The following NTM variants were observed in gnomAD, a reference collection of about 807,000 sequenced individuals.
NTM encodes IgLON family member 2.
NTM carries 13 observed loss-of-function variants against 42.1 expected under a neutral mutation model. The observed-to-expected ratio is 0.31, with a 90% CI of 0.20 to 0.49. The LOEUF (loss-of-function observed/expected upper bound fraction) is 0.49. Ranked by LOEUF, NTM falls within the 20% of genes least tolerant of loss-of-function variation. The pLI, the probability that NTM is intolerant of heterozygous loss-of-function variation, is 0.99. For synonymous variants in NTM, 187 were observed against 179.2 expected (o/e 1.04, Z -0.35); for missense variants, 373 against 452.8 (o/e 0.82, Z 1.60).
chr11:131,484,289 C>G (rs1410625256), intron 1 of NTM, among the ~76,000 whole-genome samples: 1 of 152,030 alleles, frequency 6.6e-6, no homozygotes, highest in East Asian at 1.9e-4. Flanking sequence ...GAGAGACAGA[C>G]TAAAGAAAGG....
intron 1 of NTM, among the ~76,000 whole-genome samples, chr11:131,729,354 A>C (rs2135467759): frequency 6.6e-6 from 1 of 152,336 alleles, no homozygotes; most frequent in South Asian, 2.1e-4. Context: ...TGGACTGCTA[A>C]TGAAGATGGG....
intron 2 of NTM, among the ~76,000 whole-genome samples, chr11:132,134,746 T>G (rs2137131878): frequency 7.7e-6 from 1 of 129,722 alleles, no homozygotes; most frequent in Non-Finnish European, 1.7e-5. Flanking sequence ...TATATATATA[T>G]ATATATATAT....
At chr11:131,869,057 C>A (rs1262795856) in intron 1 of NTM, among the ~76,000 whole-genome samples, 1 of 152,130 alleles carries the variant, frequency 6.6e-6, no homozygotes, top group African/African-American at 2.4e-5. Flanking sequence ...TCAGTCTTTC[C>A]CACTGACAGA....
intron 1 of NTM, among the ~76,000 whole-genome samples, chr11:131,495,240 C>A (rs11601315): frequency 0.24 from 36,856 of 152,118 alleles, 5,570 homozygotes; most frequent in Non-Finnish European, 0.33. Flanking sequence ...GCACAACCTG[C>A]CACTTGCCAT....
chr11:131,981,976 C>CACTCCAGCCTGGGTGACAGAGCGGG (rs1163921221), intron 2 of NTM, among the ~76,000 whole-genome samples: 1 of 152,030 alleles, frequency 6.6e-6, no homozygotes, highest in Non-Finnish European at 1.5e-5. Flanking sequence ...TGCACCACTG[C>CACTCCAGCCTGGGTGACAGAGCGGG]ACTCCAGCCT....
chr11:131,911,363 C>T lies in NTM; in HGVS notation c.83-201C>T, dbSNP rs562862737. The T allele has an allele frequency of 1.2e-4, 179 of 1,537,158 alleles. No individual in the cohort carries two copies. The African/African-American group carries it at 2.3e-3, about 20-fold the overall frequency. On this transcript the variant is annotated intron_variant, in intron 1 of 8. Coordinates refer to ENST00000683400, the MANE Select transcript of NTM (RefSeq NM_001352005.2). ...TTTTCTCCTCCCCGCGCCTCCCGGT[C>T]GCCGCGGGTTCACCGCTCAGTCCCC...
chr11:131,883,045 G>T (rs1027779273), intron 1 of NTM, among the ~76,000 whole-genome samples: 1 of 152,124 alleles, frequency 6.6e-6, no homozygotes, highest in Non-Finnish European at 1.5e-5. Context: ...TACTGAGGAA[G>T]GAAAAGATGG....
At chr11:132,287,601 A>C (rs2139947645) in intron 4 of NTM, among the ~76,000 whole-genome samples, 1 of 152,342 alleles carries the variant, frequency 6.6e-6, no homozygotes, top group African/African-American at 2.4e-5. Context: ...GCCTCTAAAA[A>C]ATACAATTTC....
intron 1 of NTM, among the ~76,000 whole-genome samples, chr11:131,598,212 GCAAGAGATGCCT>G (rs2059981372): frequency 6.6e-6 from 1 of 152,168 alleles, no homozygotes; most frequent in Non-Finnish European, 1.5e-5. Context: ...AATCACTTTT[GCAAGAGATGCCT>G]CAAGGGAATA....
chr11:131,374,868 C>A (rs1269577591), intron 1 of NTM, among the ~76,000 whole-genome samples: 1 of 152,164 alleles, frequency 6.6e-6, no homozygotes, highest in Non-Finnish European at 1.5e-5. Flanking sequence ...AATGCTCTTG[C>A]CATTCAATCA....
chr11:132,207,741 T>C (rs2082207868), intron 3 of NTM, among the ~76,000 whole-genome samples: 2 of 152,206 alleles, frequency 1.3e-5, no homozygotes, highest in African/African-American at 2.4e-5. Context: ...CTAGGATATC[T>C]TTCCTCCTTT....
chr11:132,292,706 G>A (rs972663792), intron 4 of NTM, among the ~76,000 whole-genome samples: 4 of 145,868 alleles, frequency 2.7e-5, no homozygotes, highest in East Asian at 2.0e-4. Context: ...GGAGGGAGGC[G>A]AAGGAGTTGA....
At chr11:132,054,480 G>T (rs929543198) in intron 2 of NTM, among the ~76,000 whole-genome samples, 1 of 152,194 alleles carries the variant, frequency 6.6e-6, no homozygotes, top group Non-Finnish European at 1.5e-5. Flanking sequence ...CCAAATCATT[G>T]TGAATACACT....
intron 1 of NTM, among the ~76,000 whole-genome samples, chr11:131,626,836 C>A (rs2063150640): frequency 6.6e-6 from 1 of 152,178 alleles, no homozygotes; most frequent in African/African-American, 2.4e-5. Context: ...CAAAAACTAA[C>A]TAAATGAATG....
chr11:131,803,483 AT>A (rs1844805425), intron 1 of NTM, among the ~76,000 whole-genome samples: 1 of 151,986 alleles, frequency 6.6e-6, no homozygotes, highest in Non-Finnish European at 1.5e-5. Context: ...TAATTTTTAT[AT>A]TTTTAAGTAG....
chr11:131,999,023 A>G (rs2068672643), intron 2 of NTM, among the ~76,000 whole-genome samples: 1 of 152,114 alleles, frequency 6.6e-6, no homozygotes, highest in Admixed American at 6.5e-5. Flanking sequence ...ATCCAGAATC[A>G]CTCAGCCCCA....
At position 131,452,483 on chromosome 11, in the gene NTM, G is replaced by A. The variant is rs575280951; in HGVS notation, c.82+81595G>A. On this transcript the variant is annotated intron_variant, in intron 1 of 8. Coordinates refer to ENST00000683400, the MANE Select transcript of NTM (RefSeq NM_001352005.2). ...CTGAATTAAAACAGGCCAGGAGGAAGCCTTCTGAACCAACTGACATGTGTG... is the reference window on the plus strand; with the variant it reads ...CTGAATTAAAACAGGCCAGGAGGAAACCTTCTGAACCAACTGACATGTGTG... Among the ~76,000 whole-genome samples the A allele has an allele frequency of 3.3e-5, 5 of 152,352 alleles. No individual in the cohort carries two copies. The East Asian group carries it at 9.6e-4, about 29-fold the overall frequency.
chr11:131,987,693 C>A (rs2135046192), intron 2 of NTM, among the ~76,000 whole-genome samples: 1 of 152,264 alleles, frequency 6.6e-6, no homozygotes, highest in African/African-American at 2.4e-5. Context: ...TCATTTCAAG[C>A]AATATTACTT....
chr11:131,489,430 C>G lies in NTM; in HGVS notation c.82+118542C>G, dbSNP rs113641223. On this transcript the variant is annotated intron_variant, in intron 1 of 8. Transcript: ENST00000683400. ...CCTCACCAAGGGTTCACTCTGTGCT[C>G]CATGCCCTAGCATAATTCTTTCAGC... Among the ~76,000 whole-genome samples the G allele has an allele frequency of 3.3e-5, 5 of 152,360 alleles. 1 individual carries two copies. The highest frequency in any genetic ancestry group is 1.2e-4 in the African/African-American group (5 of 41,582).
Sources: gnomAD v4.1 joint callset for allele counts (sites outside exome capture counted in the v4.1 genomes callset) on GRCh38, gnomAD v4.1.1 for gene constraint, MANE v1.5 for transcripts, NCBI Gene and HGNC (gene_info 2026-07-23, HGNC 2026-07-21) for gene names.